GOLGA8A: variants seen among roughly 807,000 people sequenced by gnomAD.
GOLGA8A encodes the protein golgin A8 family member A.
GOLGA8A carries 3 observed loss-of-function variants against 22.1 expected under a neutral mutation model. That is an observed-to-expected ratio of 0.14 (90% confidence interval 0.06 to 0.35). The LOEUF (loss-of-function observed/expected upper bound fraction) is 0.35, where lower values mean the gene tolerates loss of function less well. GOLGA8A is among the 10% of genes least tolerant of loss of function. GOLGA8A has a pLI of 1.00. For synonymous variants in GOLGA8A, 7 were observed against 91.7 expected (o/e 0.08, Z 5.28); for missense variants, 16 against 233.2 (o/e 0.07, Z 6.07).
chr15:34,437,177 A>G (rs1893564745), intron 1 of GOLGA8A, among the ~76,000 whole-genome samples: 1 of 146,234 alleles, frequency 6.8e-6, no homozygotes, highest in Admixed American at 6.8e-5. Context: ...CCATCGTGGG[A>G]GGAGGATGGG....
Position 34,380,326 on chromosome 15 carries a change from C to A in GOLGA8A, c.*1085G>T, listed in dbSNP as rs1190339980. 6.6e-6 allele frequency: 1 copy of A among 152,194 alleles called. No homozygotes were observed. The highest frequency in any genetic ancestry group is 1.5e-5 in the Non-Finnish European group (1 of 68,042). 9.4% of individuals were successfully genotyped at this position (152,194 alleles called of 1,614,324 possible). ...TGCCAGGTGTCACACAGCTTTCCTT[C>A]ACTCTAATTCATTCTTGACTAGAGC... On this transcript the variant is annotated 3_prime_UTR_variant, in exon 25 of 25. Transcript: ENST00000359187.
Position 34,430,096 on chromosome 15 carries a change from T to C in GOLGA8A, c.-1123+5287A>G, listed in dbSNP as rs1595668575. Among the ~76,000 whole-genome samples, 2 of 148,036 alleles carry C rather than the reference T, an allele frequency of 1.4e-5. 1 individual carries two copies. Among genetic ancestry groups the C allele is most frequent in the Non-Finnish European group, 3.0e-5 (2 of 66,818 alleles). On this transcript the variant is annotated intron_variant, in intron 2 of 24. Coordinates refer to ENST00000359187, the MANE Select transcript of GOLGA8A (RefSeq NM_181077.5). ...CAACTGAAGTAGCACCAGTCCTCAG[T>C]GCTGATTAAGCACAGGCACGCCTGT... is the stretch of plus-strand genomic sequence containing the variant.
intron 2 of GOLGA8A, chr15:34,428,807 C>G (rs34960231): frequency 0.023 from 3,369 of 145,382 alleles, 253 homozygotes; most frequent in Middle Eastern, 0.055. Flanking sequence ...CTGCAGAGGC[C>G]TCTGCAGCCC....
chr15:34,426,572 C>T (rs2140280586), intron 2 of GOLGA8A, among the ~76,000 whole-genome samples: 1 of 145,602 alleles, frequency 6.9e-6, no homozygotes, highest in Admixed American at 7.1e-5. Context: ...ATTTCATAAT[C>T]AGAAACAGAT....
chr15:34,434,260 C>A (rs1017065993), intron 2 of GOLGA8A, among the ~76,000 whole-genome samples: 2 of 149,486 alleles, frequency 1.3e-5, no homozygotes, highest in African/African-American at 4.9e-5. Flanking sequence ...TGGAAAGCCA[C>A]TGAAGGCCTG....
chr15:34,425,804 C>T (rs1296240821), intron 2 of GOLGA8A, among the ~76,000 whole-genome samples: 3 of 146,582 alleles, frequency 2.0e-5, no homozygotes. Context: ...AAGAGAAATT[C>T]AAATTAGTAG....
At chr15:34,427,231 T>A (rs1302161759) in intron 2 of GOLGA8A, among the ~76,000 whole-genome samples, 1 of 142,028 alleles carries the variant, frequency 7.0e-6, no homozygotes, top group African/African-American at 2.7e-5. Flanking sequence ...CTCGGGAAGC[T>A]GAGGAAGGAG....
chr15:34,435,359 G>GT, intron 2 of GOLGA8A, 24 bp downstream of exon 2: 1 of 149,798 alleles, frequency 6.7e-6, no homozygotes, highest in African/African-American at 2.5e-5. Context: ...TTCCAGGGGT[G>GT]TGATCAGTGT....
chr15:34,425,506 G>A (rs1432097489), intron 2 of GOLGA8A, among the ~76,000 whole-genome samples: 1 of 145,176 alleles, frequency 6.9e-6, no homozygotes, highest in African/African-American at 2.5e-5. Flanking sequence ...TATGCAGGAG[G>A]GTGGTTATAT....
intron 2 of GOLGA8A, among the ~76,000 whole-genome samples, chr15:34,431,291 T>TTATATATATATA (rs1228048903): frequency 8.9e-6 from 1 of 112,136 alleles, no homozygotes; most frequent in Non-Finnish European, 1.8e-5. Flanking sequence ...TGAAAAAAAA[T>TTATATATATATA]TATATATATA....
At chr15:34,431,291 TTATATATATATATA>T (rs1228048903) in intron 2 of GOLGA8A, among the ~76,000 whole-genome samples, 4 of 112,136 alleles carry the variant, frequency 3.6e-5, no homozygotes, top group African/African-American at 1.1e-4. Flanking sequence ...TGAAAAAAAA[TTATATATATATATA>T]TATATACATA....
chr15:34,420,015 G>A (rs528155486), intron 2 of GOLGA8A: 1 of 149,130 alleles, frequency 6.7e-6, no homozygotes, highest in African/African-American at 2.5e-5. Flanking sequence ...GAAAGTTCTG[G>A]AGATGGATGG....
chr15:34,436,496 A>G (rs1276193440), intron 1 of GOLGA8A, among the ~76,000 whole-genome samples: 1 of 149,694 alleles, frequency 6.7e-6, no homozygotes, highest in Non-Finnish European at 1.5e-5. Flanking sequence ...TGAAAAAGTA[A>G]GCCTTTCTTC....
At position 34,430,691 on chromosome 15, in the gene GOLGA8A, G is replaced by A. The variant is rs188464792; in HGVS notation, c.-1123+4692C>T. Among the ~76,000 whole-genome samples the A allele has an allele frequency of 4.9e-3, 726 of 149,656 alleles. 39 individuals carry two copies. The highest frequency in any genetic ancestry group is 0.017 in the African/African-American group (688 of 40,636). ...CTCACACATCCTAACCCTGGTGACT[G>A]CACTGACTGCGTGCTTTACTGTAGC... On this transcript the variant is annotated intron_variant, in intron 2 of 24. Coordinates refer to ENST00000359187, the MANE Select transcript of GOLGA8A (RefSeq NM_181077.5).
chr15:34,432,268 G>A lies in GOLGA8A; in HGVS notation c.-1123+3115C>T, dbSNP rs1335827157. Among the ~76,000 whole-genome samples, 9 of 148,910 alleles carry A rather than the reference G, an allele frequency of 6.0e-5. 2 individuals are homozygous for A. Among genetic ancestry groups the A allele is most frequent in the Non-Finnish European group, 7.4e-5 (5 of 67,134 alleles). ...CTCCGATGCCAGCCATCAGTCTCTCGGCTTGTGTTGAAAATTAGCACCTTT... is the reference window on the plus strand; with the variant it reads ...CTCCGATGCCAGCCATCAGTCTCTCAGCTTGTGTTGAAAATTAGCACCTTT... On this transcript the variant is annotated intron_variant, in intron 2 of 24. Transcript: ENST00000359187.
chr15:34,379,453 T>C lies in GOLGA8A; in HGVS notation c.*1958A>G, dbSNP rs573383161. ...TAGCCGCATTATTTGGTCTAACATT[T>C]TTTATCATTCTGAAACTGGATTTGT... On this transcript the variant is annotated 3_prime_UTR_variant, in exon 25 of 25. Coordinates refer to ENST00000359187, the MANE Select transcript of GOLGA8A (RefSeq NM_181077.5). 1 of 152,620 alleles carries C rather than the reference T, an allele frequency of 6.6e-6. No homozygotes were observed. The highest frequency in any genetic ancestry group is 1.5e-5 in the Non-Finnish European group (1 of 68,040). The allele number at this position is 152,620 out of a possible 1,614,324, so 9.5% of individuals were successfully genotyped here.
At chr15:34,436,462 G>A (rs1893517580) in intron 1 of GOLGA8A, among the ~76,000 whole-genome samples, 1 of 149,576 alleles carries the variant, frequency 6.7e-6, no homozygotes, top group Non-Finnish European at 1.5e-5. Flanking sequence ...TCTGGTGCCT[G>A]CCAGGTCGTT....
intron 2 of GOLGA8A, among the ~76,000 whole-genome samples, chr15:34,430,738 T>A (rs1424407985): frequency 6.7e-6 from 1 of 149,618 alleles, no homozygotes; most frequent in Non-Finnish European, 1.5e-5. Context: ...ACACATCTCA[T>A]CTCCTCCATC....
In GOLGA8A at chr15:34,405,426, C is replaced by A. The variant is rs1892187794; in HGVS notation, c.-713-371G>T. Among the ~76,000 whole-genome samples, 3 of 146,612 alleles carry A rather than the reference C, an allele frequency of 2.0e-5. No homozygotes were observed. In the Admixed American group the frequency reaches 2.1e-4, roughly 10 times the overall value. On this transcript the variant is annotated intron_variant, in intron 4 of 24. Transcript: ENST00000359187. ...CTCTGCTCACTACAAACTCTGCCTC[C>A]CAGGTTCAAGTGATTCTCGTGCCTC...
Sources: gnomAD v4.1 joint callset for allele counts (sites outside exome capture counted in the v4.1 genomes callset) on GRCh38, gnomAD v4.1.1 for gene constraint, MANE v1.5 for transcripts, NCBI Gene and HGNC (gene_info 2026-07-23, HGNC 2026-07-21) for gene names.